CWF19L2: variants seen among roughly 807,000 people sequenced by gnomAD.
The protein encoded by CWF19L2 is CWF19-like protein 2.
CWF19L2 carries 98 observed loss-of-function variants against 111.7 expected under a neutral mutation model. The ratio of observed to expected loss-of-function variants is 0.88; its 90% CI spans 0.75 to 1.04. The LOEUF is 1.04. Among genes scored for constraint, CWF19L2 ranks in the 50% least tolerant of loss-of-function variants. The pLI is 0.00. For missense variants in CWF19L2, 1,101 were observed against 1,051.4 expected (o/e 1.05, Z -0.65); for synonymous variants, 351 against 342.9 (o/e 1.02, Z -0.26).
Position 107,416,189 on chromosome 11 carries a change from T to A in CWF19L2, c.1617+20A>T. Reference sequence around the variant, plus strand: ...TAGTTTACACAAGGTAATTACATTCTCCAAACTTTTATTACTTACCTCTAC... The same window carrying A: ...TAGTTTACACAAGGTAATTACATTCACCAAACTTTTATTACTTACCTCTAC... On this transcript the variant is annotated intron_variant, in intron 10 of 17. Coordinates refer to ENST00000282251, the MANE Select transcript of CWF19L2 (RefSeq NM_152434.3). 1.1e-6 allele frequency: 1 copy of A among 950,242 alleles called. No homozygotes were observed. The highest frequency in any genetic ancestry group is 1.5e-6 in the Non-Finnish European group (1 of 669,338). 58.9% of individuals were successfully genotyped at this position (950,242 alleles called of 1,614,324 possible).
At chr11:107,333,343 A>G (rs1270525622) in intron 16 of CWF19L2, among the ~76,000 whole-genome samples, 1 of 152,222 alleles carries the variant, frequency 6.6e-6, no homozygotes, top group Non-Finnish European at 1.5e-5. Context: ...GAGCTTTTAA[A>G]AAAGAAACAA....
chr11:107,453,674 G>A (rs759064265), intron 3 of CWF19L2, among the ~76,000 whole-genome samples: 51 of 151,650 alleles, frequency 3.4e-4, no homozygotes, highest in Middle Eastern at 3.4e-3. Flanking sequence ...TCTGTCTTGC[G>A]CCTTAGGTAC....
intron 12 of CWF19L2, among the ~76,000 whole-genome samples, chr11:107,380,995 C>T (rs1300612710): frequency 6.6e-6 from 1 of 152,100 alleles, no homozygotes; most frequent in African/African-American, 2.4e-5. Context: ...TTCTACTTAT[C>T]ATTAATTACC....
At chr11:107,444,760 C>G (rs544150192) in intron 3 of CWF19L2, among the ~76,000 whole-genome samples, 25 of 152,276 alleles carry the variant, frequency 1.6e-4, no homozygotes, top group African/African-American at 5.3e-4. Flanking sequence ...ACTGAGTTAT[C>G]TGGAACAACC....
intron 16 of CWF19L2, 118 bp downstream of exon 16, chr11:107,334,763 C>T (rs1428424992): frequency 1.4e-6 from 1 of 712,690 alleles, no homozygotes; most frequent in African/African-American, 1.8e-5. Context: ...ATTTGTCGAA[C>T]TAGTAATTTC....
chr11:107,348,776 A>G (rs1415190338), intron 14 of CWF19L2, 161 bp downstream of exon 14: 7 of 395,868 alleles, frequency 1.8e-5, no homozygotes. Flanking sequence ...AAAATGATGG[A>G]AACATCATGA....
intron 11 of CWF19L2, among the ~76,000 whole-genome samples, chr11:107,392,536 T>A (rs967488769): frequency 6.6e-6 from 1 of 152,124 alleles, no homozygotes; most frequent in African/African-American, 2.4e-5. Flanking sequence ...TACACTAAAA[T>A]TAAAATTGCC....
chr11:107,339,896 G>A (rs1310492044), intron 14 of CWF19L2, among the ~76,000 whole-genome samples: 1 of 152,006 alleles, frequency 6.6e-6, no homozygotes, highest in Non-Finnish European at 1.5e-5. Context: ...TCAAACTGCT[G>A]ACCTGAGGTG....
chr11:107,381,677 C>T (rs919985316), intron 12 of CWF19L2, among the ~76,000 whole-genome samples: 1 of 152,102 alleles, frequency 6.6e-6, no homozygotes, highest in African/African-American at 2.4e-5. Flanking sequence ...TCTAATCATA[C>T]ATTTAAGAAT....
chr11:107,374,005 G>T (rs889149580), intron 12 of CWF19L2, among the ~76,000 whole-genome samples: 1 of 137,040 alleles, frequency 7.3e-6, no homozygotes, highest in African/African-American at 2.9e-5. Context: ...CGATCAACTG[G>T]AAGAAAGGGT....
chr11:107,367,150 T>C (rs1256239006), intron 12 of CWF19L2, among the ~76,000 whole-genome samples: 1 of 115,746 alleles, frequency 8.6e-6, no homozygotes, highest in African/African-American at 3.3e-5. Flanking sequence ...CCAGTTAGAA[T>C]GGCAATCATT....
rs1861225139 is a variant in CWF19L2 at position 107,416,236 on chromosome 11, T to C, written c.1590A>G (p.Thr530=). Residue 530 remains threonine (T), a synonymous_variant, in exon 10 of 18, where the codon ACA becomes ACG. Transcript: ENST00000282251. ...CTACCCCAGATTTTTTTGGTATCTGTGTTATAGTTTCTTTGAATTTATTTG... is the reference window on the plus strand; with the variant it reads ...CTACCCCAGATTTTTTTGGTATCTGCGTTATAGTTTCTTTGAATTTATTTG... ...EKANKFKETI[T]QIPKKSGVEN... The C allele has an allele frequency of 1.9e-5, 28 of 1,478,966 alleles. No individual in the cohort carries two copies. The highest frequency in any genetic ancestry group is 2.5e-5 in the Non-Finnish European group (28 of 1,104,054). 91.6% of individuals were successfully genotyped at this position (1,478,966 alleles called of 1,614,324 possible). A position where few individuals can be genotyped will look rare whatever the true frequency, so the allele number is the denominator to read the frequency against.
intron 3 of CWF19L2, among the ~76,000 whole-genome samples, chr11:107,452,489 C>T (rs1237257950): frequency 6.6e-6 from 1 of 152,026 alleles, no homozygotes; most frequent in Non-Finnish European, 1.5e-5. Flanking sequence ...AGAGATGTAC[C>T]AAGTGCATAA....
chr11:107,401,089 A>G (rs1302878545), intron 10 of CWF19L2, among the ~76,000 whole-genome samples: 1 of 152,208 alleles, frequency 6.6e-6, no homozygotes, highest in Non-Finnish European at 1.5e-5. Context: ...GCCATCTATG[A>G]CAAACCCACA....
At chr11:107,373,590 A>G (rs1433166983) in intron 12 of CWF19L2, among the ~76,000 whole-genome samples, 1 of 125,886 alleles carries the variant, frequency 7.9e-6, no homozygotes, top group Non-Finnish European at 1.7e-5. Flanking sequence ...CTAACAACAG[A>G]AAGGACATCC....
chr11:107,394,777 C>T (rs1860898175), intron 10 of CWF19L2, among the ~76,000 whole-genome samples: 1 of 152,084 alleles, frequency 6.6e-6, no homozygotes, highest in South Asian at 2.1e-4. Context: ...GCTGATGATT[C>T]CAGGGTTCCT....
At chr11:107,402,873 G>GTGTGTGTATGTATATATATATATA (rs1247886311) in intron 10 of CWF19L2, among the ~76,000 whole-genome samples, 1 of 94,468 alleles carries the variant, frequency 1.1e-5, no homozygotes, top group Non-Finnish European at 2.0e-5. Context: ...ACTGTGGTGT[G>GTGTGTGTATGTATATATATATATA]TATATATATA....
chr11:107,372,550 A>C (rs1266951318), intron 12 of CWF19L2, among the ~76,000 whole-genome samples: 1 of 136,964 alleles, frequency 7.3e-6, no homozygotes, highest in Non-Finnish European at 1.6e-5. Context: ...GCCACATTTA[A>C]AAATGTGGTC....
At chr11:107,447,659 C>A (rs1330187837) in intron 3 of CWF19L2, among the ~76,000 whole-genome samples, 2 of 152,186 alleles carry the variant, frequency 1.3e-5, no homozygotes, top group African/African-American at 4.8e-5. Context: ...AGCTAATTCA[C>A]AAGTAATTAA....
Sources: gnomAD v4.1 joint callset for allele counts (sites outside exome capture counted in the v4.1 genomes callset) on GRCh38, gnomAD v4.1.1 for gene constraint, MANE v1.5 for transcripts, NCBI Gene and HGNC (gene_info 2026-07-23, HGNC 2026-07-21) for gene names.